LRP5: variants seen among roughly 807,000 people sequenced by gnomAD.
LRP5 encodes low-density lipoprotein receptor-related protein 5.
Under a neutral mutation model 154.1 loss-of-function variants are expected in LRP5, and 62 were observed. The observed-to-expected ratio is 0.40, with a 90% CI of 0.33 to 0.50. The LOEUF is 0.50. Ranked by LOEUF, LRP5 falls within the 20% of genes least tolerant of loss-of-function variation. The pLI is 0.55. For missense variants in LRP5, 1,915 were observed against 2,336.7 expected (o/e 0.82, Z 3.72); for synonymous variants, 966 against 1,011.5 (o/e 0.96, Z 0.85).
chr11:68,386,628 C>A lies in LRP5; in HGVS notation c.1328C>A (p.Thr443Lys), dbSNP rs200416179. Residue 443 changes from threonine to lysine, a missense_variant, in exon 6 of 23, where the codon ACG (threonine) becomes AAG (lysine). By Grantham distance (78) the Thr-to-Lys change is moderately conservative. Coordinates refer to ENST00000294304, the MANE Select transcript of LRP5 (RefSeq NM_002335.4). This position sits in a 1 kb window ranked among gnomAD's most constrained non-coding sequence, Gnocchi z 7.9. ...TDTGTDRIEV[T>K]RLNGTSRKIL... Reference sequence around the variant, plus strand: ...ACGGGCACGGACCGCATCGAGGTGACGCGCCTCAACGGCACCTCCCGCAAG... The same window carrying A: ...ACGGGCACGGACCGCATCGAGGTGAAGCGCCTCAACGGCACCTCCCGCAAG... 1 of 1,613,596 alleles carries A rather than the reference C, an allele frequency of 6.2e-7. No individual in the cohort carries two copies. Among genetic ancestry groups the A allele is most frequent in the Non-Finnish European group, 8.5e-7 (1 of 1,179,910 alleles).
chr11:68,315,810 G>A (rs2098592956), intron 1 of LRP5, among the ~76,000 whole-genome samples: 1 of 152,248 alleles, frequency 6.6e-6, no homozygotes, highest in African/African-American at 2.4e-5. Flanking sequence ...TTAGAGGCCA[G>A]ATCATGCTGT....
rs186157074 is a variant in LRP5, at chr11:68,339,280, G to A, written c.92-8567G>A. On this transcript the variant is annotated intron_variant, in intron 1 of 22. Coordinates refer to ENST00000294304, the MANE Select transcript of LRP5 (RefSeq NM_002335.4). Reference sequence around the variant, plus strand: ...AACCTCCACCTCCCGGGTTCAAGTGGTTCTCCTGCCTCAGTATCCCAAGTA... The same window carrying A: ...AACCTCCACCTCCCGGGTTCAAGTGATTCTCCTGCCTCAGTATCCCAAGTA... Among the ~76,000 whole-genome samples, 49 of 150,972 alleles carry A rather than the reference G, an allele frequency of 3.2e-4. No individual in the cohort carries two copies. In the East Asian group the frequency reaches 9.6e-3, roughly 30 times the overall value.
At chr11:68,307,618 A>AT (rs1467749324), upstream of LRP5, among the ~76,000 whole-genome samples, 1 of 151,852 alleles carries the variant, frequency 6.6e-6, no homozygotes, top group Non-Finnish European at 1.5e-5. Flanking sequence ...AGAGTGCACC[A>AT]CTGCACTCCA....
chr11:68,409,890 C>T, intron 9 of LRP5, 24 bp from the exon 10 acceptor site: 1 of 1,582,470 alleles, frequency 6.3e-7, no homozygotes, highest in Middle Eastern at 1.7e-4. Flanking sequence ...AAATGTGGCC[C>T]TTTTCCTCCT....
chr11:68,358,370 C>T (rs1691182723), intron 3 of LRP5, among the ~76,000 whole-genome samples: 1 of 152,204 alleles, frequency 6.6e-6, no homozygotes, highest in South Asian at 2.1e-4. Flanking sequence ...CCCCTCGGCT[C>T]CCAGAGTGCT....
intron 17 of LRP5, among the ~76,000 whole-genome samples, 173 bp downstream of exon 17, chr11:68,429,873 A>G (rs1192834029): frequency 6.6e-6 from 1 of 152,194 alleles, no homozygotes; most frequent in Admixed American, 6.5e-5. Flanking sequence ...ATTCGGTGCT[A>G]TGAATTTTCC....
chr11:68,348,071 G>A lies in LRP5; in HGVS notation c.316G>A (p.Gly106Ser), dbSNP rs1565335132. The change falls in exon 2 of 23, where the codon GGC becomes AGC. Residue 106 changes from glycine to serine, a missense_variant. Physicochemically the swap from Gly to Ser is moderately conservative, Grantham distance 56. Around this residue, in one of 3 missense-constraint regions of LRP5, gnomAD observed 773 missense variants for 1,100.9 expected, o/e 0.70. Coordinates refer to ENST00000294304, the MANE Select transcript of LRP5 (RefSeq NM_002335.4). ...CGCCGTGCAGAACGTGGTCATCTCC[G>A]GCCTGGTCTCTCCCGACGGCCTCGC... Reference protein sequence around the residue: ...GAAVQNVVISGLVSPDGLACD... With the variant: ...GAAVQNVVISSLVSPDGLACD... The A allele has an allele frequency of 3.1e-6, 5 of 1,614,100 alleles. No homozygotes were observed. In the South Asian group the frequency reaches 4.4e-5, roughly 14 times the overall value.
At chr11:68,426,716 C>T (rs1242301801) in intron 16 of LRP5, among the ~76,000 whole-genome samples, 2 of 152,184 alleles carry the variant, frequency 1.3e-5, no homozygotes, top group Non-Finnish European at 2.9e-5. Flanking sequence ...AGCCACTGGC[C>T]TGACAACACC....
rs1188541759 is a variant in LRP5 at position 68,423,102 on chromosome 11, C to A, written c.3028-387C>A. Reference sequence around the variant, plus strand: ...TGGTCTTGGATCCCTTCTCGACTGTCAATGGGGCCTTCATGGGAGCGCCAG... The same window carrying A: ...TGGTCTTGGATCCCTTCTCGACTGTAAATGGGGCCTTCATGGGAGCGCCAG... On this transcript the variant is annotated intron_variant, in intron 13 of 22. Coordinates refer to ENST00000294304, the MANE Select transcript of LRP5 (RefSeq NM_002335.4). This position sits in a 1 kb window ranked among gnomAD's most constrained non-coding sequence, Gnocchi z 4.7. Among the ~76,000 whole-genome samples the A allele has an allele frequency of 1.3e-5, 2 of 152,158 alleles. No homozygotes were observed. Among genetic ancestry groups the A allele is most frequent in the Non-Finnish European group, 2.9e-5 (2 of 68,038 alleles).
rs768528750 is a variant in LRP5 at position 68,363,889 on chromosome 11, G to A, written c.829G>A (p.Ala277Thr). ...TGGKRKEILS[A>T]LYSPMDIQVL... Reference sequence around the variant, plus strand: ...GGGGAAGAGGAAGGAGATCCTGAGTGCCCTCTACTCACCCATGGACATCCA... The same window carrying A: ...GGGGAAGAGGAAGGAGATCCTGAGTACCCTCTACTCACCCATGGACATCCA... Residue 277 changes from alanine to threonine, a missense_variant, in exon 4 of 23, where the codon GCC becomes ACC. Transcript: ENST00000294304. 21 of 1,612,034 alleles carry A rather than the reference G, an allele frequency of 1.3e-5. No individual in the cohort carries two copies. Among genetic ancestry groups the A allele is most frequent in the Non-Finnish European group, 1.7e-5 (20 of 1,179,622 alleles).
At chr11:68,401,245 T>C (rs2098652478) in intron 7 of LRP5, among the ~76,000 whole-genome samples, 1 of 152,068 alleles carries the variant, frequency 6.6e-6, no homozygotes, top group African/African-American at 2.4e-5. Flanking sequence ...GTCTTCCTGT[T>C]GTGGAGGCAA....
intron 9 of LRP5, among the ~76,000 whole-genome samples, chr11:68,408,508 T>C (rs998441854): frequency 6.6e-6 from 1 of 152,112 alleles, no homozygotes; most frequent in African/African-American, 2.4e-5. Flanking sequence ...CCATAACCTC[T>C]CCAGCCAGAG....
At chr11:68,304,405 G>A in the LRP5 span, among the ~76,000 whole-genome samples, 1 of 152,386 alleles carries the variant, frequency 6.6e-6, no homozygotes, top group Non-Finnish European at 1.5e-5. Flanking sequence ...GAGGATGTAT[G>A]AGAAAGCCTG....
intron 21 of LRP5, among the ~76,000 whole-genome samples, chr11:68,440,572 T>G (rs1297412641): frequency 6.6e-6 from 1 of 152,208 alleles, no homozygotes; most frequent in Non-Finnish European, 1.5e-5. Flanking sequence ...TGTGAACTCC[T>G]GAGTGTAAAC....
At chr11:68,356,479 TG>T (rs2098623256) in intron 2 of LRP5, among the ~76,000 whole-genome samples, 1 of 152,128 alleles carries the variant, frequency 6.6e-6, no homozygotes, top group African/African-American at 2.4e-5. Flanking sequence ...TTCAAACAGT[TG>T]TAGGTTCACA....
rs780335389 is a variant in LRP5 at position 68,403,466 on chromosome 11, T to A, written c.1585-17T>A. On this transcript the variant is annotated splice_polypyrimidine_tract_variant and intron_variant, in intron 7 of 22. Transcript: ENST00000294304. The stretch of plus-strand genomic sequence containing the variant: ...TGGCCCTGGCCCATCCAGACCTATA[T>A]TTCTGCCGTCCTGCAGGTGATCAAT... 8.7e-6 allele frequency: 14 copies of A among 1,612,286 alleles called. No individual in the cohort carries two copies. The highest frequency in any genetic ancestry group is 1.1e-5 in the Non-Finnish European group (13 of 1,178,532).
At chr11:68,389,770 A>T in intron 6 of LRP5, 111 bp from the exon 7 acceptor site, 7 of 1,059,736 alleles carry the variant, frequency 6.6e-6, no homozygotes, top group Non-Finnish European at 1.0e-5. Flanking sequence ...TGACATCAAC[A>T]TTTAGCCATG....
chr11:68,438,986 C>A (rs1439003510), intron 20 of LRP5, among the ~76,000 whole-genome samples: 1 of 152,132 alleles, frequency 6.6e-6, no homozygotes, highest in Non-Finnish European at 1.5e-5. Context: ...CCTCATGTAC[C>A]CTAGAAATGA....
rs2098612744 is a variant in LRP5, at chr11:68,346,183, C to T, written c.92-1664C>T. ...AAATCTTTAGCTTCCCATGAAGTCC[C>T]GTTTGTCTTTATTTGTGGCCTATGC... is the stretch of plus-strand genomic sequence containing the variant. On this transcript the variant is annotated intron_variant, in intron 1 of 22. Coordinates refer to ENST00000294304, the MANE Select transcript of LRP5 (RefSeq NM_002335.4). Among the ~76,000 whole-genome samples, 6 of 152,218 alleles carry T rather than the reference C, an allele frequency of 3.9e-5. No homozygotes were observed. The South Asian group carries it at 8.3e-4, about 21-fold the overall frequency.
Sources: allele counts gnomAD v4.1 joint callset (sites outside exome capture counted in the v4.1 genomes callset), GRCh38; gene constraint gnomAD v4.1.1; regional missense constraint gnomAD v4.1.1; non-coding constraint Gnocchi (gnomAD v3.1); transcripts MANE v1.5; gene names NCBI Gene and HGNC (gene_info 2026-07-23, HGNC 2026-07-21).